The following GOLM1 variants were observed in gnomAD, a reference collection of about 807,000 sequenced individuals.
GOLM1 encodes golgi membrane protein 1.
GOLM1 carries 31 observed loss-of-function variants against 50.5 expected under a neutral mutation model. The observed-to-expected ratio is 0.61, with a 90% CI of 0.46 to 0.83. GOLM1 has a LOEUF of 0.83. Ranked by LOEUF, GOLM1 falls within the 40% of genes least tolerant of loss-of-function variation. The pLI is 0.00. For missense variants in GOLM1, 491 were observed against 501.3 expected (o/e 0.98, Z 0.20); for synonymous variants, 178 against 192.8 (o/e 0.92, Z 0.64).
intron 9 of GOLM1, among the ~76,000 whole-genome samples, chr9:86,030,818 T>G (rs1832952717): frequency 6.6e-6 from 1 of 152,176 alleles, no homozygotes; most frequent in Non-Finnish European, 1.5e-5. Flanking sequence ...ATACAGAAAT[T>G]TTTTGCTTTT....
intron 3 of GOLM1, among the ~76,000 whole-genome samples, chr9:86,068,382 C>T (rs1269712318): frequency 2.0e-5 from 3 of 152,174 alleles, no homozygotes; most frequent in Non-Finnish European, 4.4e-5. Flanking sequence ...AGCCCTAGGA[C>T]CCAAATACAA....
At chr9:86,073,165 G>T (rs1334092165) in intron 3 of GOLM1, among the ~76,000 whole-genome samples, 2 of 151,628 alleles carry the variant, frequency 1.3e-5, no homozygotes, top group African/African-American at 4.8e-5. Context: ...CAAAACACTT[G>T]ATCTCAATCA....
chr9:86,070,552 C>T (rs112184963), intron 3 of GOLM1, among the ~76,000 whole-genome samples: 26 of 150,614 alleles, frequency 1.7e-4, no homozygotes, highest in African/African-American at 6.4e-4. Flanking sequence ...GCCTGGGCGA[C>T]AGAGCGAGAC....
intron 3 of GOLM1, among the ~76,000 whole-genome samples, chr9:86,053,665 ACACACGGCACAC>A (rs1564347574): frequency 5.3e-4 from 32 of 60,592 alleles, no homozygotes; most frequent in Non-Finnish European, 9.2e-4. Flanking sequence ...ACACCACTCC[ACACACGGCACAC>A]CACTCCACAC....
At chr9:86,033,474 G>A (rs1024965010) in intron 8 of GOLM1, 79 bp from the exon 9 acceptor site, 5 of 861,676 alleles carry the variant, frequency 5.8e-6, no homozygotes, top group East Asian at 2.5e-5. Context: ...CAAGTGCTGG[G>A]GGTTAGCCAT....
chr9:86,030,160 G>A (rs1222261644), intron 9 of GOLM1, among the ~76,000 whole-genome samples: 1 of 146,166 alleles, frequency 6.8e-6, no homozygotes, highest in East Asian at 2.0e-4. Flanking sequence ...GGAGACTGCT[G>A]TGAGCCAGGA....
At chr9:86,030,987 G>A (rs1832958865) in intron 9 of GOLM1, among the ~76,000 whole-genome samples, 1 of 152,154 alleles carries the variant, frequency 6.6e-6, no homozygotes, top group South Asian at 2.1e-4. Flanking sequence ...CAAGGCAGGC[G>A]GATCATGAGG....
intron 3 of GOLM1, among the ~76,000 whole-genome samples, chr9:86,059,899 CAAAAA>C (rs139699884): frequency 1.1e-4 from 6 of 52,450 alleles, no homozygotes; most frequent in East Asian, 5.3e-4. Flanking sequence ...GAGTCTATCT[CAAAAA>C]AAAAAAAAAA....
At position 86,037,701 on chromosome 9, in the gene GOLM1, T is replaced by G. The variant is rs376585036; in HGVS notation, c.598-1194A>C. Among the ~76,000 whole-genome samples, 222 of 152,282 alleles carry G rather than the reference T, an allele frequency of 1.5e-3. 12 individuals are homozygous for G. The South Asian group carries it at 0.045, about 31-fold the overall frequency. Reference sequence around the variant, plus strand: ...GAGGTGAGGACAGAGTGTAAATCACTGTCCTTAAGCCTGGAGACAGACAGC... The same window carrying G: ...GAGGTGAGGACAGAGTGTAAATCACGGTCCTTAAGCCTGGAGACAGACAGC... On this transcript the variant is annotated intron_variant, in intron 6 of 9. Coordinates refer to ENST00000388712, the MANE Select transcript of GOLM1 (RefSeq NM_016548.4).
chr9:86,098,570 T>C (rs1835423124), intron 1 of GOLM1, among the ~76,000 whole-genome samples: 1 of 152,240 alleles, frequency 6.6e-6, no homozygotes, highest in Non-Finnish European at 1.5e-5. Context: ...AGTTTAGTTT[T>C]GCAAATCTGG....
rs1044648167 is a variant in GOLM1 at position 86,081,692 on chromosome 9, C to A, written c.-21-2351G>T. On this transcript the variant is annotated intron_variant, in intron 1 of 9. Transcript: ENST00000388712. ...ATGGCCTGAAGTCAGGAATTTGAGACCAGCCTGGCCAACGTGGTGAAACTC... is the reference window on the plus strand; with the variant it reads ...ATGGCCTGAAGTCAGGAATTTGAGAACAGCCTGGCCAACGTGGTGAAACTC... 1.7e-4 allele frequency among the ~76,000 whole-genome samples: 26 copies of A among 151,808 alleles called. 1 individual carries two copies. Among genetic ancestry groups the A allele is most frequent in the African/African-American group, 5.8e-4 (24 of 41,480 alleles).
chr9:86,099,582 GCCCC>G (rs1835469889), upstream of GOLM1: 1 of 147,078 alleles, frequency 6.8e-6, no homozygotes, highest in Non-Finnish European at 1.5e-5. Context: ...GCAAGGCCCC[GCCCC>G]CGAGCAGCGC....
At chr9:86,082,182 C>A (rs987400432) in intron 1 of GOLM1, among the ~76,000 whole-genome samples, 1 of 151,412 alleles carries the variant, frequency 6.6e-6, no homozygotes, top group African/African-American at 2.4e-5. Context: ...GCACCTGCCA[C>A]CACACCTGGC....
At chr9:86,037,723 C>T (rs918935309) in intron 6 of GOLM1, among the ~76,000 whole-genome samples, 1 of 152,148 alleles carries the variant, frequency 6.6e-6, no homozygotes, top group African/African-American at 2.4e-5. Flanking sequence ...TGGAGACAGA[C>T]AGCCCAATAC....
chr9:86,044,451 G>C (rs1833466961), intron 5 of GOLM1, among the ~76,000 whole-genome samples: 1 of 152,218 alleles, frequency 6.6e-6, no homozygotes, highest in Non-Finnish European at 1.5e-5. Flanking sequence ...TGAGGCAACT[G>C]ATTCTCCCAG....
chr9:86,082,135 T>TCTCCTGC (rs1834802401), intron 1 of GOLM1, among the ~76,000 whole-genome samples: 1 of 145,756 alleles, frequency 6.9e-6, no homozygotes, highest in African/African-American at 2.5e-5. Context: ...TTCATGCCAT[T>TCTCCTGC]CTCCTGCCTC....
intron 3 of GOLM1, among the ~76,000 whole-genome samples, chr9:86,070,490 G>T (rs986659461): frequency 6.6e-6 from 1 of 151,496 alleles, no homozygotes; most frequent in Non-Finnish European, 1.5e-5. Context: ...ATAACTGCTT[G>T]AACCCAGGAG....
intron 1 of GOLM1, among the ~76,000 whole-genome samples, chr9:86,096,336 A>G (rs1250641492): frequency 6.6e-6 from 1 of 152,246 alleles, no homozygotes; most frequent in Non-Finnish European, 1.5e-5. Context: ...ATAACAGCAG[A>G]GCTGAGTAGT....
In GOLM1 at chr9:86,088,425, T is replaced by C. The variant is rs1474603034; in HGVS notation, c.-21-9084A>G. ...TCGTTGTTTTTTTGAAGGGTGTATA[T>C]ATATATATATATATATATATATATA... On this transcript the variant is annotated intron_variant, in intron 1 of 9. Transcript: ENST00000388712. Among the ~76,000 whole-genome samples, 310 of 34,250 alleles carry C rather than the reference T, an allele frequency of 9.1e-3. 4 individuals carry two copies. The highest frequency in any genetic ancestry group is 0.021 in the African/African-American group (301 of 14,558). The allele number at this position is 34,250 out of a possible 152,430, so 22.5% of individuals were successfully genotyped here. A position where few individuals can be genotyped will look rare whatever the true frequency, so the allele number is the denominator to read the frequency against.
Sources: gnomAD v4.1 joint callset for allele counts (sites outside exome capture counted in the v4.1 genomes callset) on GRCh38, gnomAD v4.1.1 for gene constraint, MANE v1.5 for transcripts, NCBI Gene and HGNC (gene_info 2026-07-23, HGNC 2026-07-21) for gene names.